CEP43: variants seen among roughly 807,000 people sequenced by gnomAD.
CEP43 encodes the protein centrosomal protein 43.
In CEP43, 36 loss-of-function variants were observed where a neutral mutation model predicts 52.6. The ratio of observed to expected loss-of-function variants is 0.68; its 90% CI spans 0.52 to 0.90. The LOEUF (loss-of-function observed/expected upper bound fraction) is 0.90, where lower values mean the gene tolerates loss of function less well. Among genes scored for constraint, CEP43 ranks in the 40% least tolerant of loss-of-function variants. The pLI, the probability that CEP43 is intolerant of heterozygous loss-of-function variation, is 0.00. For synonymous variants in CEP43, 192 were observed against 172.4 expected (o/e 1.11, Z -0.89); for missense variants, 506 against 472.8 (o/e 1.07, Z -0.65).
At chr6:167,007,109 A>G (rs1779872349) in intron 5 of CEP43, among the ~76,000 whole-genome samples, 1 of 152,186 alleles carries the variant, frequency 6.6e-6, no homozygotes, top group Non-Finnish European at 1.5e-5. Flanking sequence ...TTCTTCTGTC[A>G]GGAAGGATTC....
intron 7 of CEP43, among the ~76,000 whole-genome samples, chr6:167,020,379 A>G (rs3822914): frequency 0.02 from 3,089 of 152,346 alleles, 53 homozygotes; most frequent in East Asian, 0.092. Flanking sequence ...AACGTATATC[A>G]TAAGACATGC....
intron 10 of CEP43, 86 bp downstream of exon 10, chr6:167,026,701 T>C: frequency 1.3e-6 from 1 of 785,676 alleles, no homozygotes; most frequent in Non-Finnish European, 2.2e-6. Context: ...TCCGTCTGCC[T>C]ACGCTGAGCA....
At chr6:167,017,501 G>T (rs1469678830) in intron 7 of CEP43, among the ~76,000 whole-genome samples, 1 of 151,646 alleles carries the variant, frequency 6.6e-6, no homozygotes, top group Non-Finnish European at 1.5e-5. Flanking sequence ...AGGGACAACT[G>T]TATTGCATGA....
At position 167,046,294 on chromosome 6, in the gene CEP43, T is replaced by TAGAA; in HGVS notation, c.*6328_*6331dup. 1 of 143,442 alleles carries TAGAA rather than the reference T, an allele frequency of 7.0e-6. No homozygotes were observed. Among genetic ancestry groups the TAGAA allele is most frequent in the Non-Finnish European group, 1.5e-5 (1 of 66,134 alleles). The allele number at this position is 143,442 out of a possible 1,614,324, so 8.9% of individuals were successfully genotyped here. A position where few individuals can be genotyped will look rare whatever the true frequency, so the allele number is the denominator to read the frequency against. On this transcript the variant is annotated 3_prime_UTR_variant, in exon 13 of 13. Transcript: ENST00000366847. ...ATTTCCAAGAAAATATCCATCACAC[T>TAGAA]AGAAAGAAAGAAAGAGGAAGGAAGG...
chr6:167,026,674 G>C, intron 10 of CEP43, 59 bp downstream of exon 10: 2 of 1,109,638 alleles, frequency 1.8e-6, no homozygotes, highest in East Asian at 2.4e-5. Context: ...TTAGGGTAAG[G>C]CTGTAAAAGA....
intron 8 of CEP43, 55 bp downstream of exon 8, chr6:167,022,690 T>A: frequency 8.8e-7 from 1 of 1,141,022 alleles, no homozygotes; most frequent in Non-Finnish European, 1.3e-6. Context: ...AAGATAAATG[T>A]TTTCATTTTA....
At chr6:167,003,905 GT>G in intron 4 of CEP43, 94 bp downstream of exon 4, 1 of 770,400 alleles carries the variant, frequency 1.3e-6, no homozygotes, top group Non-Finnish European at 2.1e-6. Flanking sequence ...ACAACTGATA[GT>G]TTTTTACATT....
At chr6:167,011,248 T>C (rs1039558855) in intron 6 of CEP43, among the ~76,000 whole-genome samples, 5 of 151,980 alleles carry the variant, frequency 3.3e-5, no homozygotes, top group African/African-American at 1.2e-4. Flanking sequence ...ATATGTATTA[T>C]AGGATATAAT....
At position 167,040,137 on chromosome 6, in the gene CEP43, C is replaced by T. The variant is rs757175949; in HGVS notation, c.*159C>T. On this transcript the variant is annotated 3_prime_UTR_variant, in exon 13 of 13. Coordinates refer to ENST00000366847, the MANE Select transcript of CEP43 (RefSeq NM_007045.4). ...TTTTTTAAAAGTAATTTTCATTTTA[C>T]TAAACAAAATACTTCCTATTTGAGC... 1.9e-6 allele frequency: 3 copies of T among 1,548,642 alleles called. No individual in the cohort carries two copies. The highest frequency in any genetic ancestry group is 4.8e-5 in the East Asian group (2 of 41,268).
Position 167,008,727 on chromosome 6 carries a change from G to A in CEP43, c.439-2086G>A, listed in dbSNP as rs77984846. Among the ~76,000 whole-genome samples the A allele has an allele frequency of 4.9e-3, 740 of 152,092 alleles. 25 individuals are homozygous for A. The East Asian group carries it at 0.089, about 18-fold the overall frequency. ...CTGACCTCGTGATCCACCCGCCTTG[G>A]CCTCCCAAATTGCTGGGATTACAGG... is the stretch of plus-strand genomic sequence containing the variant. On this transcript the variant is annotated intron_variant, in intron 5 of 12. Transcript: ENST00000366847.
At chr6:167,010,546 C>T (rs1202352881) in intron 5 of CEP43, among the ~76,000 whole-genome samples, 1 of 152,104 alleles carries the variant, frequency 6.6e-6, no homozygotes, top group Admixed American at 6.5e-5. Flanking sequence ...GAATGGTAGA[C>T]CTGGGACAGA....
intron 10 of CEP43, among the ~76,000 whole-genome samples, chr6:167,031,516 A>G (rs1323221991): frequency 6.6e-6 from 1 of 152,242 alleles, no homozygotes; most frequent in Non-Finnish European, 1.5e-5. Flanking sequence ...TTTGGCTGTA[A>G]GAGAATTACA....
Position 167,045,228 on chromosome 6 carries a change from G to T in CEP43, c.*5250G>T, listed in dbSNP as rs534871062. 6.6e-6 allele frequency: 1 copy of T among 151,954 alleles called. No homozygotes were observed. Among genetic ancestry groups the T allele is most frequent in the South Asian group, 2.1e-4 (1 of 4,794 alleles). 9.4% of individuals were successfully genotyped at this position (151,954 alleles called of 1,614,324 possible). A position where few individuals can be genotyped will look rare whatever the true frequency, so the allele number is the denominator to read the frequency against. On this transcript the variant is annotated 3_prime_UTR_variant, in exon 13 of 13. Coordinates refer to ENST00000366847, the MANE Select transcript of CEP43 (RefSeq NM_007045.4). ...CGATTCTCCTGCCTCAGCCTCCTGA[G>T]TAGCTGGGATTACAGATGTGTTTCA... is the stretch of plus-strand genomic sequence containing the variant.
chr6:167,022,357 C>A, intron 7 of CEP43, 52 bp from the exon 8 acceptor site: 1 of 1,292,134 alleles, frequency 7.7e-7, no homozygotes, highest in Non-Finnish European at 1.1e-6. Context: ...TTGAAAATAT[C>A]TTAAAGTTTT....
Position 167,050,893 on chromosome 6 carries a change from A to T in CEP43, c.*10915A>T, listed in dbSNP as rs1461332751. The T allele has an allele frequency of 1.3e-5, 2 of 152,160 alleles. No homozygotes were observed. The highest frequency in any genetic ancestry group is 2.9e-5 in the Non-Finnish European group (2 of 68,050). The allele number at this position is 152,160 out of a possible 1,614,324, so 9.4% of individuals were successfully genotyped here. On this transcript the variant is annotated 3_prime_UTR_variant, in exon 13 of 13. Coordinates refer to ENST00000366847, the MANE Select transcript of CEP43 (RefSeq NM_007045.4). ...AGAGCCGATTTATGAGGACAGGGAA[A>T]TTGCAATAGAGAAAGAGTTTAATAC...
intron 9 of CEP43, 38 bp downstream of exon 9, chr6:167,024,932 A>G (rs369413811): frequency 4.4e-6 from 5 of 1,130,124 alleles, no homozygotes; most frequent in Admixed American, 2.2e-5. Flanking sequence ...TACTCGGGAT[A>G]TTTTTTCTCT....
Position 167,032,652 on chromosome 6 carries a change from A to C in CEP43, c.1028+10A>C. 1 of 1,565,630 alleles carries C rather than the reference A, an allele frequency of 6.4e-7. No individual in the cohort carries two copies. Among genetic ancestry groups the C allele is most frequent in the Non-Finnish European group, 8.7e-7 (1 of 1,149,766 alleles). On this transcript the variant is annotated intron_variant, in intron 11 of 12. Coordinates refer to ENST00000366847, the MANE Select transcript of CEP43 (RefSeq NM_007045.4). ...TTGATGATTTTAATAGGTAAGAAAA[A>C]CTATTGGGCAAATATATAAATATAT...
intron 12 of CEP43, among the ~76,000 whole-genome samples, chr6:167,034,851 T>C (rs1780551215): frequency 6.6e-6 from 1 of 152,038 alleles, no homozygotes; most frequent in South Asian, 2.1e-4. Context: ...GGTTAAATGA[T>C]AATATATAAA....
In CEP43 at chr6:166,999,512, A is replaced by G; in HGVS notation, c.100A>G (p.Lys34Glu). The G allele has an allele frequency of 6.9e-7, 1 of 1,442,808 alleles. No individual in the cohort carries two copies. Among genetic ancestry groups the G allele is most frequent in the South Asian group, 1.4e-5 (1 of 69,940 alleles). The allele number at this position is 1,442,808 out of a possible 1,614,324, so 89.4% of individuals were successfully genotyped here. ...GAACAGCGGGGTCCTGAACCGCATC[A>G]AGGTGAGGCCGGAGGCTGGGGCCGG... ...LENSGVLNRI[K>E]AELRAAVFLA... is the part of the protein sequence containing the mutation. The change falls in exon 1 of 13, where the codon AAG (lysine) becomes GAG (glutamate). Residue 34 changes from lysine to glutamate, a missense_variant and splice_region_variant. Lys to Glu is a moderately conservative substitution (Grantham distance 56). Coordinates refer to ENST00000366847, the MANE Select transcript of CEP43 (RefSeq NM_007045.4).
Sources: gnomAD v4.1 joint callset for allele counts (sites outside exome capture counted in the v4.1 genomes callset) on GRCh38, gnomAD v4.1.1 for gene constraint, MANE v1.5 for transcripts, NCBI Gene and HGNC (gene_info 2026-07-23, HGNC 2026-07-21) for gene names.